The following NEO1 variants were observed in gnomAD, a reference collection of about 807,000 sequenced individuals.
NEO1 encodes neogenin 1, also known as neogenin.
Under a neutral mutation model 159.7 loss-of-function variants are expected in NEO1, and 63 were observed. The observed-to-expected ratio is 0.39, with a 90% CI of 0.32 to 0.49. The LOEUF is 0.49. Among genes scored for constraint, NEO1 ranks in the 20% least tolerant of loss-of-function variants. NEO1 has a pLI of 0.85. For missense variants in NEO1, 1,615 were observed against 1,831.0 expected (o/e 0.88, Z 2.15); for synonymous variants, 633 against 662.0 (o/e 0.96, Z 0.67).
intron 7 of NEO1, among the ~76,000 whole-genome samples, chr15:73,223,894 C>G (rs1330691833): frequency 6.6e-6 from 1 of 151,980 alleles, no homozygotes; most frequent in Non-Finnish European, 1.5e-5. Flanking sequence ...TTTTATAGAT[C>G]TTGTGTGATT....
At position 73,288,522 on chromosome 15, in the gene NEO1, A is replaced by G; in HGVS notation, c.3620A>G (p.Asn1207Ser). ...ITPVDNSMDSNIHQRRNSYRG... is the reference protein window; with the variant it reads ...ITPVDNSMDSSIHQRRNSYRG... ...CCAGTTGACAACTCCATGGACAGCA[A>G]TATCCATCAAAGGCGAAATTCATAC... Residue 1207 changes from asparagine (N) to serine (S), a missense_variant, in exon 24 of 29, where the codon AAT becomes AGT. This residue lies in a region of NEO1 where 471 missense variants were observed against 498.9 expected (regional missense o/e 0.94). Coordinates refer to ENST00000261908, the MANE Select transcript of NEO1 (RefSeq NM_002499.4). 6.2e-7 allele frequency: 1 copy of G among 1,614,160 alleles called. No homozygotes were observed.
Position 73,140,428 on chromosome 15 carries a change from C to T in NEO1, c.1015+4401C>T, listed in dbSNP as rs559829802. ...AAAATTAGCTAGGCATAGTGGCACACACCTGTATTTCCAGCTACTCAGGAG... is the reference window on the plus strand; with the variant it reads ...AAAATTAGCTAGGCATAGTGGCACATACCTGTATTTCCAGCTACTCAGGAG... On this transcript the variant is annotated intron_variant, in intron 5 of 28. Transcript: ENST00000261908. Among the ~76,000 whole-genome samples the T allele has an allele frequency of 1.7e-4, 26 of 152,204 alleles. No individual in the cohort carries two copies. The South Asian group carries it at 5.4e-3, about 32-fold the overall frequency.
chr15:73,114,853 T>C (rs1285270655), intron 1 of NEO1, among the ~76,000 whole-genome samples: 1 of 152,214 alleles, frequency 6.6e-6, no homozygotes, highest in East Asian at 1.9e-4. Context: ...TTTCTCTTAG[T>C]TTAGCTATCT....
chr15:73,225,968 C>T (rs757259621), intron 7 of NEO1, among the ~76,000 whole-genome samples: 15 of 152,150 alleles, frequency 9.9e-5, no homozygotes, highest in African/African-American at 2.4e-4. Context: ...GGGCCTTTCT[C>T]GCTGCTTCCT....
intron 4 of NEO1, among the ~76,000 whole-genome samples, chr15:73,132,240 T>A (rs1483302803): frequency 6.6e-6 from 1 of 152,228 alleles, no homozygotes; most frequent in East Asian, 1.9e-4. Flanking sequence ...TTAAGAGTAG[T>A]CAATACTTTT....
intron 7 of NEO1, among the ~76,000 whole-genome samples, chr15:73,210,018 A>C (rs867566687): frequency 9.2e-5 from 14 of 152,186 alleles, no homozygotes; most frequent in Admixed American, 3.9e-4. Flanking sequence ...AACGAAAAAA[A>C]GTAGCCTATG....
In NEO1 at chr15:73,249,735, C is replaced by A. The variant is rs756249922; in HGVS notation, c.1894+14C>A. 8 of 1,603,654 alleles carry A rather than the reference C, an allele frequency of 5.0e-6. No individual in the cohort carries two copies. Among genetic ancestry groups the A allele is most frequent in the Middle Eastern group, 1.7e-4 (1 of 6,032 alleles). ...CATTGTCAGATGGTGAGTCTTTCTT[C>A]CTCTGGAACGATATACCACACTTGG... On this transcript the variant is annotated intron_variant, in intron 11 of 28. Transcript: ENST00000261908.
chr15:73,180,708 T>A (rs1029), intron 7 of NEO1, among the ~76,000 whole-genome samples: 14,886 of 152,172 alleles, frequency 0.098, 995 homozygotes, highest in African/African-American at 0.18. Context: ...CTGAAAATAT[T>A]TGGATAGTGT....
intron 5 of NEO1, among the ~76,000 whole-genome samples, chr15:73,147,497 A>G (rs1296652944): frequency 1.3e-5 from 2 of 152,154 alleles, no homozygotes; most frequent in Non-Finnish European, 2.9e-5. Flanking sequence ...TTTCTCACCT[A>G]AGTCTGTGCT....
intron 7 of NEO1, among the ~76,000 whole-genome samples, chr15:73,195,983 T>C (rs753164765): frequency 1.5e-4 from 23 of 152,360 alleles, no homozygotes; most frequent in Admixed American, 7.8e-4. Flanking sequence ...TTAGATGTCA[T>C]GTAAATCACT....
intron 7 of NEO1, among the ~76,000 whole-genome samples, chr15:73,206,408 TTAGGTTGTTGA>T (rs1265774995): frequency 6.6e-6 from 1 of 152,178 alleles, no homozygotes; most frequent in Non-Finnish European, 1.5e-5. Context: ...TATCCCTATA[TTAGGTTGTTGA>T]TAGGTTGTTG....
chr15:73,172,461 C>T (rs1567381768), intron 5 of NEO1, among the ~76,000 whole-genome samples: 2 of 152,146 alleles, frequency 1.3e-5, no homozygotes, highest in East Asian at 1.9e-4. Context: ...AGTTATAAAT[C>T]ATTGGCTAAA....
At chr15:73,160,196 A>C (rs980271851) in intron 5 of NEO1, among the ~76,000 whole-genome samples, 1 of 152,150 alleles carries the variant, frequency 6.6e-6, no homozygotes, top group Non-Finnish European at 1.5e-5. Flanking sequence ...CAAAAACCCC[A>C]AAACACCAAA....
intron 2 of NEO1, among the ~76,000 whole-genome samples, chr15:73,117,555 C>G (rs763968724): frequency 6.6e-6 from 1 of 152,198 alleles, no homozygotes; most frequent in Non-Finnish European, 1.5e-5. Context: ...AAAATGTTAT[C>G]TTTAAGTCCT....
chr15:73,202,052 C>T (rs2152058492), intron 7 of NEO1, among the ~76,000 whole-genome samples: 1 of 145,092 alleles, frequency 6.9e-6, no homozygotes, highest in South Asian at 2.2e-4. Flanking sequence ...CAACCTCCAA[C>T]TCCTGGGTTC....
At chr15:73,253,588 C>T in intron 12 of NEO1, 139 bp downstream of exon 12, 1 of 520,492 alleles carries the variant, frequency 1.9e-6, no homozygotes, top group African/African-American at 1.9e-5. Flanking sequence ...TTAAAAATAC[C>T]AAACCTATAA....
At chr15:73,219,213 T>C (rs1211725174) in intron 7 of NEO1, among the ~76,000 whole-genome samples, 1 of 152,096 alleles carries the variant, frequency 6.6e-6, no homozygotes, top group Non-Finnish European at 1.5e-5. Flanking sequence ...GTTGTTCAGT[T>C]TCCATGTAGT....
chr15:73,269,722 A>C lies in NEO1; in HGVS notation c.2495-288A>C, dbSNP rs77226728. 8.7e-3 allele frequency among the ~76,000 whole-genome samples: 1,320 copies of C among 152,334 alleles called. 21 individuals carry two copies. Among genetic ancestry groups the C allele is most frequent in the African/African-American group, 0.03 (1,247 of 41,566 alleles). ...TTATTTTAAGAAAATTCAAGCACGA[A>C]TACATTAATATAATCACTGGATTAT... On this transcript the variant is annotated intron_variant, in intron 16 of 28. Transcript: ENST00000261908.
chr15:73,111,603 T>C (rs1255064090), intron 1 of NEO1, among the ~76,000 whole-genome samples: 1 of 152,060 alleles, frequency 6.6e-6, no homozygotes, highest in Non-Finnish European at 1.5e-5. Context: ...TATTTATTTA[T>C]TTATTTATTT....
Sources: gnomAD v4.1 joint callset for allele counts (sites outside exome capture counted in the v4.1 genomes callset) on GRCh38, gnomAD v4.1.1 for gene constraint, gnomAD v4.1.1 regional missense constraint, MANE v1.5 for transcripts, NCBI Gene and HGNC (gene_info 2026-07-23, HGNC 2026-07-21) for gene names.